Variants in PACRG observed in about 807,000 individuals in gnomAD.
The protein encoded by PACRG is parkin coregulated gene protein.
Under a neutral mutation model 29.7 loss-of-function variants are expected in PACRG, and 29 were observed. That is an observed-to-expected ratio of 0.98 (90% CI 0.73 to 1.33). PACRG has a LOEUF of 1.33. Ranked by LOEUF, PACRG falls within the 40% of genes most tolerant of loss-of-function variation. The pLI is 0.00. For synonymous variants in PACRG, 116 were observed against 118.7 expected (o/e 0.98, Z 0.15); for missense variants, 279 against 316.2 (o/e 0.88, Z 0.89).
At chr6:162,926,941 A>T (rs1482750550) in intron 2 of PACRG, among the ~76,000 whole-genome samples, 3 of 152,184 alleles carry the variant, frequency 2.0e-5, no homozygotes, top group Admixed American at 6.5e-5. Flanking sequence ...TTTACAAGGA[A>T]CTTAAACAAA....
chr6:163,088,602 T>A (rs1419415720), intron 3 of PACRG, among the ~76,000 whole-genome samples: 1 of 152,226 alleles, frequency 6.6e-6, no homozygotes, highest in Non-Finnish European at 1.5e-5. Flanking sequence ...GCAGTACAGC[T>A]TGTTACTTTG....
intron 4 of PACRG, among the ~76,000 whole-genome samples, chr6:163,188,464 G>C (rs758985325): frequency 6.6e-6 from 1 of 152,136 alleles, no homozygotes. Context: ...AAATACTGAC[G>C]TGATGCCTTT....
intron 2 of PACRG, among the ~76,000 whole-genome samples, chr6:163,012,723 T>C (rs554749250): frequency 3.9e-5 from 6 of 152,324 alleles, no homozygotes; most frequent in Admixed American, 2.6e-4. Flanking sequence ...AACAGTATGG[T>C]TATCATTCTC....
chr6:162,842,113 C>A lies in PACRG; in HGVS notation c.291+27832C>A, dbSNP rs906567227. Reference sequence around the variant, plus strand: ...GAGTTCTGTAGATGTCTATTAGGTCCGCTTGGTGCAGAGCTGAGTTCAATT... The same window carrying A: ...GAGTTCTGTAGATGTCTATTAGGTCAGCTTGGTGCAGAGCTGAGTTCAATT... On this transcript the variant is annotated intron_variant, in intron 2 of 4. Transcript: ENST00000366888. Among the ~76,000 whole-genome samples, 13 of 149,588 alleles carry A rather than the reference C, an allele frequency of 8.7e-5. 1 individual carries two copies. The highest frequency in any genetic ancestry group is 2.9e-4 in the African/African-American group (12 of 40,712).
rs74928364 is a variant in PACRG at position 162,795,775 on chromosome 6, A to G, written c.157-18372A>G. Among the ~76,000 whole-genome samples the G allele has an allele frequency of 6.9e-3, 1,056 of 152,330 alleles. 12 individuals are homozygous for G. The highest frequency in any genetic ancestry group is 0.023 in the African/African-American group (971 of 41,590). ...TTAAGTCTTGTTTATACTTTAAATC[A>G]TATTTCAAAACTTCTTCAAATAGAT... On this transcript the variant is annotated intron_variant, in intron 1 of 4. Coordinates refer to ENST00000366888, the MANE Select transcript of PACRG (RefSeq NM_001080379.2).
In PACRG at chr6:163,122,986, G is replaced by A. The variant is rs544282210; in HGVS notation, c.613+33578G>A. On this transcript the variant is annotated intron_variant, in intron 4 of 4. Coordinates refer to ENST00000366888, the MANE Select transcript of PACRG (RefSeq NM_001080379.2). ...TTTGTCTCATGCCAATGCTATTAAC[G>A]ACAAGGACACCCGTGGAGTGGTTTT... Among the ~76,000 whole-genome samples, 408 of 152,298 alleles carry A rather than the reference G, an allele frequency of 2.7e-3. 1 individual carries two copies. The highest frequency in any genetic ancestry group is 9.3e-3 in the African/African-American group (386 of 41,556).
intron 4 of PACRG, among the ~76,000 whole-genome samples, chr6:163,287,563 A>G (rs888143474): frequency 2.0e-5 from 3 of 152,072 alleles, no homozygotes; most frequent in Admixed American, 1.3e-4. Flanking sequence ...CATTTCTTAC[A>G]TGTTTCTTTT....
intron 4 of PACRG, among the ~76,000 whole-genome samples, chr6:163,313,215 C>T (rs1398507948): frequency 2.6e-5 from 4 of 151,910 alleles, no homozygotes; most frequent in South Asian, 2.1e-4. Flanking sequence ...CTATGAGGAA[C>T]GAAAAACCCA....
chr6:162,776,427 A>G (rs1401983483), intron 1 of PACRG, among the ~76,000 whole-genome samples: 2 of 152,216 alleles, frequency 1.3e-5, no homozygotes, highest in Non-Finnish European at 2.9e-5. Context: ...CCTCACTGTC[A>G]ACAATGAGCT....
intron 4 of PACRG, among the ~76,000 whole-genome samples, chr6:163,285,859 T>G (rs1784385405): frequency 6.6e-6 from 1 of 152,212 alleles, no homozygotes. Flanking sequence ...TCGACCGGTT[T>G]GATTTGACTG....
chr6:163,025,880 T>C (rs978478484), intron 2 of PACRG, among the ~76,000 whole-genome samples: 2 of 152,228 alleles, frequency 1.3e-5, no homozygotes, highest in African/African-American at 2.4e-5. Context: ...GAGTGTCCAG[T>C]TTAGGCAATT....
intron 2 of PACRG, among the ~76,000 whole-genome samples, chr6:163,013,262 GTTTA>G (rs145596005): frequency 5.3e-5 from 8 of 150,086 alleles, no homozygotes; most frequent in East Asian, 2.0e-4. Flanking sequence ...TTGACTTAAA[GTTTA>G]TTTATTTATT....
rs1368791391 is a variant in PACRG, at chr6:163,154,286, TC to T, written c.613+64880del. On this transcript the variant is annotated intron_variant, in intron 4 of 4. Transcript: ENST00000366888. ...AAAGGTTCTTGTGGGCACTGTGTGATCCTTCATTGGCCAGTGCCACTGCAGG... is the reference window on the plus strand; with the variant it reads ...AAAGGTTCTTGTGGGCACTGTGTGATCTTCATTGGCCAGTGCCACTGCAGG... Among the ~76,000 whole-genome samples the T allele has an allele frequency of 7.8e-4, 119 of 152,322 alleles. 1 individual carries two copies. The highest frequency in any genetic ancestry group is 2.6e-4 in the Non-Finnish European group (18 of 68,034).
intron 2 of PACRG, among the ~76,000 whole-genome samples, chr6:163,024,011 T>C (rs1806885105): frequency 6.6e-6 from 1 of 152,228 alleles, no homozygotes; most frequent in South Asian, 2.1e-4. Flanking sequence ...TCTCCCATTC[T>C]ATAGTTTGCT....
intron 1 of PACRG, among the ~76,000 whole-genome samples, chr6:162,765,706 C>T (rs995633831): frequency 8.6e-5 from 13 of 151,864 alleles, no homozygotes; most frequent in Non-Finnish European, 1.5e-4. Context: ...TGGAGCATTT[C>T]GGGGGGCATT....
intron 2 of PACRG, among the ~76,000 whole-genome samples, chr6:163,057,093 T>G (rs1329427472): frequency 6.6e-6 from 1 of 152,114 alleles, no homozygotes; most frequent in African/African-American, 2.4e-5. Flanking sequence ...AAAAGAGAAT[T>G]TGTATCCCAG....
At chr6:162,790,450 T>C (rs1307465333) in intron 1 of PACRG, among the ~76,000 whole-genome samples, 1 of 152,126 alleles carries the variant, frequency 6.6e-6, no homozygotes, top group Non-Finnish European at 1.5e-5. Context: ...TACCCTTCTG[T>C]AGTCCAATTT....
intron 2 of PACRG, among the ~76,000 whole-genome samples, chr6:163,030,235 TTCAC>T (rs1807533121): frequency 6.6e-6 from 1 of 152,158 alleles, no homozygotes; most frequent in Non-Finnish European, 1.5e-5. Context: ...AGGAGACTGT[TTCAC>T]TCACCTTGTG....
At chr6:163,177,022 C>T (rs1779393578) in intron 4 of PACRG, among the ~76,000 whole-genome samples, 2 of 152,076 alleles carry the variant, frequency 1.3e-5, no homozygotes, top group South Asian at 4.2e-4. Flanking sequence ...GAGGTGGATT[C>T]AGGTGAGCCA....
Sources: gnomAD v4.1 joint callset for allele counts (sites outside exome capture counted in the v4.1 genomes callset) on GRCh38, gnomAD v4.1.1 for gene constraint, MANE v1.5 for transcripts, NCBI Gene and HGNC (gene_info 2026-07-23, HGNC 2026-07-21) for gene names.